Variants in NRXN3 observed in about 807,000 individuals in gnomAD.
NRXN3 encodes the protein neurexin III.
A neutral mutation model predicts 137.6 loss-of-function variants in NRXN3; 32 were observed. That is an observed-to-expected ratio of 0.23 (90% confidence interval 0.18 to 0.31). NRXN3 has a LOEUF of 0.31. Among genes scored for constraint, NRXN3 ranks in the 10% least tolerant of loss-of-function variants. The pLI is 1.00. For synonymous variants in NRXN3, 798 were observed against 784.5 expected (o/e 1.02, Z -0.29); for missense variants, 1,574 against 2,062.5 (o/e 0.76, Z 4.59).
chr14:78,819,319 A>T (rs535659783), intron 10 of NRXN3, among the ~76,000 whole-genome samples: 25 of 152,342 alleles, frequency 1.6e-4, no homozygotes, highest in Non-Finnish European at 2.4e-4. Flanking sequence ...AGATTCAACT[A>T]ACAAAAAAAT....
intron 4 of NRXN3, among the ~76,000 whole-genome samples, chr14:78,453,077 T>G (rs2094589148): frequency 6.6e-6 from 1 of 152,160 alleles, no homozygotes; most frequent in South Asian, 2.1e-4. Flanking sequence ...CTCATGTGTT[T>G]CAGAGGGAGA....
At chr14:78,203,923 A>G (rs1326479962) in intron 1 of NRXN3, among the ~76,000 whole-genome samples, 2 of 151,590 alleles carry the variant, frequency 1.3e-5, no homozygotes, top group Non-Finnish European at 2.9e-5. Context: ...ATTTGTTTAC[A>G]GAAACACACT....
intron 19 of NRXN3, among the ~76,000 whole-genome samples, chr14:79,783,478 G>A (rs112750180): frequency 2.0e-5 from 3 of 152,136 alleles, no homozygotes; most frequent in East Asian, 1.9e-4. Flanking sequence ...AAGACTAAAC[G>A]GTATATTTCT....
At chr14:79,451,624 A>C (rs758308772) in intron 15 of NRXN3, among the ~76,000 whole-genome samples, 4 of 152,208 alleles carry the variant, frequency 2.6e-5, no homozygotes, top group Non-Finnish European at 4.4e-5. Context: ...GCTTCAAGGC[A>C]GGTAGACCTT....
At chr14:78,802,551 T>C (rs1323192984) in intron 8 of NRXN3, among the ~76,000 whole-genome samples, 1 of 152,188 alleles carries the variant, frequency 6.6e-6, no homozygotes, top group Non-Finnish European at 1.5e-5. Flanking sequence ...AAAAAAGTCT[T>C]GGTTTTCTTG....
At chr14:79,229,888 T>G (rs1453498472) in intron 15 of NRXN3, among the ~76,000 whole-genome samples, 1 of 152,028 alleles carries the variant, frequency 6.6e-6, no homozygotes, top group Non-Finnish European at 1.5e-5. Context: ...TTTTTGCAAT[T>G]GTGAATATTC....
chr14:78,456,799 C>CTCTTTCTTTCTT (rs374674586), intron 4 of NRXN3, among the ~76,000 whole-genome samples: 11,733 of 97,470 alleles, frequency 0.12, 1,047 homozygotes, highest in African/African-American at 0.15. Context: ...CTCTCTTTCT[C>CTCTTTCTTTCTT]TCTTTCTTTC....
intron 20 of NRXN3, among the ~76,000 whole-genome samples, chr14:79,852,712 C>CA (rs1045933989): frequency 4.0e-5 from 6 of 151,400 alleles, no homozygotes; most frequent in South Asian, 2.1e-4. Flanking sequence ...AAAAGCAAAG[C>CA]AAAAAAAACG....
At chr14:78,556,727 C>T (rs1280673416) in intron 4 of NRXN3, among the ~76,000 whole-genome samples, 1 of 152,138 alleles carries the variant, frequency 6.6e-6, no homozygotes, top group Non-Finnish European at 1.5e-5. Context: ...AAGTTATCAA[C>T]TTTAAGCTCC....
chr14:79,068,419 T>A (rs1402422087), intron 15 of NRXN3, among the ~76,000 whole-genome samples: 2 of 152,030 alleles, frequency 1.3e-5, no homozygotes, highest in East Asian at 3.9e-4. Flanking sequence ...ACATGCTGAG[T>A]CAAAGGCAAA....
intron 16 of NRXN3, among the ~76,000 whole-genome samples, chr14:79,655,700 T>TATCA (rs1450673181): frequency 1.7e-4 from 26 of 152,242 alleles, no homozygotes; most frequent in African/African-American, 6.3e-4. Flanking sequence ...CTTTGTTGTG[T>TATCA]ATCATTGTAT....
intron 15 of NRXN3, among the ~76,000 whole-genome samples, chr14:79,366,653 G>A (rs1300477656): frequency 6.6e-6 from 1 of 152,016 alleles, no homozygotes; most frequent in African/African-American, 2.4e-5. Context: ...CTCATTTACA[G>A]TAGCTTGCTG....
intron 6 of NRXN3, among the ~76,000 whole-genome samples, chr14:78,705,854 C>A (rs1383251318): frequency 6.6e-6 from 1 of 152,212 alleles, no homozygotes; most frequent in African/African-American, 2.4e-5. Flanking sequence ...AGAGCACTCA[C>A]CCTCAAAGAG....
chr14:79,642,512 T>C (rs2153960514), intron 16 of NRXN3, among the ~76,000 whole-genome samples: 1 of 135,678 alleles, frequency 7.4e-6, no homozygotes, highest in East Asian at 2.0e-4. Context: ...TCATATGCAA[T>C]ATGAATGAAC....
At chr14:78,313,181 A>G (rs1231535877) in intron 4 of NRXN3, among the ~76,000 whole-genome samples, 2 of 152,168 alleles carry the variant, frequency 1.3e-5, no homozygotes, top group Non-Finnish European at 2.9e-5. Flanking sequence ...TAGGAAAAAA[A>G]TACATTTGAG....
In NRXN3 at chr14:78,512,906, A is replaced by C. The variant is rs116461750; in HGVS notation, c.758-132214A>C. The stretch of plus-strand genomic sequence containing the variant: ...GCATCTGTCATTGAGAGTGCTATTG[A>C]TATAATTTTGCTTTCTGCCCCGTAG... On this transcript the variant is annotated intron_variant, in intron 4 of 20. Coordinates refer to ENST00000335750, the MANE Select transcript of NRXN3 (RefSeq NM_001330195.2). 3.3e-3 allele frequency among the ~76,000 whole-genome samples: 503 copies of C among 152,310 alleles called. 4 individuals carry two copies. The highest frequency in any genetic ancestry group is 0.011 in the African/African-American group (477 of 41,572).
At chr14:79,685,664 G>C (rs2098691763) in intron 17 of NRXN3, among the ~76,000 whole-genome samples, 1 of 152,206 alleles carries the variant, frequency 6.6e-6, no homozygotes, top group Non-Finnish European at 1.5e-5. Context: ...AACTGGGATT[G>C]AAAGTATCCT....
chr14:78,684,474 G>A (rs561112997), intron 6 of NRXN3, among the ~76,000 whole-genome samples: 3 of 152,220 alleles, frequency 2.0e-5, no homozygotes, highest in African/African-American at 4.8e-5. Context: ...CGGAAGTCAG[G>A]TCTACTTGGA....
chr14:79,237,635 T>C (rs1420862209), intron 15 of NRXN3, among the ~76,000 whole-genome samples: 2 of 152,146 alleles, frequency 1.3e-5, no homozygotes, highest in Non-Finnish European at 2.9e-5. Context: ...TTTTTTCATA[T>C]ATCTTTATTG....
Sources: allele counts gnomAD v4.1 joint callset (sites outside exome capture counted in the v4.1 genomes callset), GRCh38; gene constraint gnomAD v4.1.1; transcripts MANE v1.5; gene names NCBI Gene and HGNC (gene_info 2026-07-23, HGNC 2026-07-21).